Variants in SYNE2 observed in about 807,000 individuals in gnomAD.
SYNE2 encodes nesprin-2.
SYNE2 carries 431 observed loss-of-function variants against 856.3 expected under a neutral mutation model. The observed-to-expected ratio is 0.50, with a 90% CI of 0.47 to 0.55. SYNE2 has a LOEUF of 0.55. SYNE2 is among the 20% of genes least tolerant of loss of function. SYNE2 has a pLI of 0.00. For synonymous variants in SYNE2, 2,923 were observed against 2,872.3 expected, an observed-to-expected ratio of 1.02 and a Z score of -0.56; for missense variants, 8,129 against 8,023.2, an observed-to-expected ratio of 1.01 and a Z score of -0.50.
At chr14:63,956,330 A>G (rs1204286200) in intron 8 of SYNE2, 1 of 447,510 alleles carries the variant, frequency 2.2e-6, no homozygotes, top group East Asian at 6.9e-5. Flanking sequence ...TAATACAGTA[A>G]TTGGGAAGTG....
chr14:64,060,079 G>A (rs958342994), intron 49 of SYNE2, among the ~76,000 whole-genome samples: 2 of 150,364 alleles, frequency 1.3e-5, no homozygotes, highest in Non-Finnish European at 3.0e-5. Flanking sequence ...GCCCAGGGTG[G>A]GTCCAGAGAT....
chr14:64,052,330 A>G lies in SYNE2; in HGVS notation c.8417A>G (p.Asn2806Ser), dbSNP rs765407182. 3.8e-5 allele frequency: 61 copies of G among 1,614,104 alleles called. No individual in the cohort carries two copies. The highest frequency in any genetic ancestry group is 4.7e-5 in the Non-Finnish European group (56 of 1,180,034). ...LTTYEGSDLN[N>S]TLEDLRNQYQ... ...ACCTATGAGGGCAGTGATTTAAATA[A>G]TACCCTAGAGGACTTACGGAATCAA... The change falls in exon 48 of 116, where the codon AAT becomes AGT. Residue 2806 changes from asparagine to serine, a missense_variant. Around this residue, in one of 3 missense-constraint regions of SYNE2, gnomAD observed 5,410 missense variants for 5,284.8 expected, o/e 1.02. Transcript: ENST00000555002.
At chr14:63,818,382 G>A (rs954820278) in intron 1 of SYNE2, among the ~76,000 whole-genome samples, 1 of 150,322 alleles carries the variant, frequency 6.7e-6, no homozygotes, top group Non-Finnish European at 1.5e-5. Context: ...GTTGGGCATG[G>A]TGACACAAGT....
intron 50 of SYNE2, among the ~76,000 whole-genome samples, chr14:64,063,685 C>A (rs554685998): frequency 1.1e-4 from 17 of 152,310 alleles, no homozygotes; most frequent in African/African-American, 3.4e-4. Flanking sequence ...CTTTCTAAAT[C>A]ATCTGTAGTT....
intron 96 of SYNE2, among the ~76,000 whole-genome samples, chr14:64,179,214 G>A (rs959914459): frequency 1.3e-5 from 2 of 152,082 alleles, no homozygotes; most frequent in African/African-American, 2.4e-5. Context: ...TTGGCTCACT[G>A]TAACCTCCAC....
intron 1 of SYNE2, among the ~76,000 whole-genome samples, chr14:63,780,247 A>G (rs999000595): frequency 6.6e-6 from 1 of 152,182 alleles, no homozygotes; most frequent in Non-Finnish European, 1.5e-5. Context: ...TCAGTAATAA[A>G]AAGGGGCCAG....
chr14:64,098,884 A>G, intron 63 of SYNE2, 63 bp downstream of exon 63: 1 of 1,497,480 alleles, frequency 6.7e-7, no homozygotes, highest in Non-Finnish European at 9.2e-7. Context: ...AAGTCAATGA[A>G]AAGATCTTAA....
intron 1 of SYNE2, among the ~76,000 whole-genome samples, chr14:63,888,217 T>C (rs1031245621): frequency 6.6e-6 from 1 of 152,224 alleles, no homozygotes. Context: ...TCGGGCCTGC[T>C]AAGCCACCAG....
intron 2 of SYNE2, among the ~76,000 whole-genome samples, chr14:63,933,939 T>C (rs1322902209): frequency 4.6e-5 from 7 of 152,206 alleles, no homozygotes; most frequent in Non-Finnish European, 8.8e-5. Context: ...CTGGTTCCCA[T>C]TGAATACTGC....
chr14:63,894,204 G>A (rs941799107), intron 1 of SYNE2, among the ~76,000 whole-genome samples: 5 of 150,322 alleles, frequency 3.3e-5, no homozygotes, highest in Admixed American at 6.6e-5. Flanking sequence ...GCATTTTATG[G>A]ATTTTTTTTT....
intron 1 of SYNE2, among the ~76,000 whole-genome samples, chr14:63,888,251 G>T (rs112855393): frequency 5.6e-4 from 86 of 152,270 alleles, no homozygotes; most frequent in South Asian, 2.3e-3. Flanking sequence ...CTACGACATG[G>T]TATTGCCCCC....
intron 1 of SYNE2, among the ~76,000 whole-genome samples, chr14:63,875,668 T>A (rs1336700346): frequency 5.9e-5 from 9 of 151,974 alleles, no homozygotes; most frequent in Non-Finnish European, 1.2e-4. Flanking sequence ...ATGAAGTGAG[T>A]AACACTTGTC....
chr14:64,169,348 A>T (rs908933491), intron 93 of SYNE2, among the ~76,000 whole-genome samples: 4 of 152,240 alleles, frequency 2.6e-5, no homozygotes, highest in Non-Finnish European at 4.4e-5. Context: ...AAAAATGATT[A>T]TTCCTAATGT....
intron 1 of SYNE2, among the ~76,000 whole-genome samples, chr14:63,829,747 A>G (rs543765576): frequency 6.6e-6 from 1 of 152,070 alleles, no homozygotes; most frequent in South Asian, 2.1e-4. Context: ...CTGCCTCCCA[A>G]ATAGCTGGGA....
chr14:63,993,797 GC>G, intron 21 of SYNE2, 37 bp from the exon 22 acceptor site: 1 of 1,576,026 alleles, frequency 6.3e-7, no homozygotes, highest in Non-Finnish European at 8.6e-7. Flanking sequence ...GTAGAATGAG[GC>G]TTTTATGATT....
At chr14:63,887,212 C>T (rs757345834) in intron 1 of SYNE2, among the ~76,000 whole-genome samples, 35 of 151,210 alleles carry the variant, frequency 2.3e-4, no homozygotes, top group South Asian at 4.2e-4. Flanking sequence ...ACTGGGGAGG[C>T]GGAGGTTGCA....
intron 108 of SYNE2, among the ~76,000 whole-genome samples, chr14:64,216,900 T>A (rs1402267489): frequency 6.6e-6 from 1 of 152,182 alleles, no homozygotes; most frequent in Non-Finnish European, 1.5e-5. Context: ...AATTTTTGTA[T>A]TTTTAGTAGA....
intron 97 of SYNE2, among the ~76,000 whole-genome samples, chr14:64,187,802 C>T (rs1389266921): frequency 6.6e-6 from 1 of 152,150 alleles, no homozygotes; most frequent in Non-Finnish European, 1.5e-5. Context: ...CCTGGGAATA[C>T]TTTTGTACAT....
At chr14:63,773,735 C>G (rs570473557) in intron 1 of SYNE2, among the ~76,000 whole-genome samples, 1 of 152,160 alleles carries the variant, frequency 6.6e-6, no homozygotes, top group South Asian at 2.1e-4. Context: ...CAAAAAGAAG[C>G]TATGTTTAAT....
Sources: gnomAD v4.1 joint callset for allele counts (sites outside exome capture counted in the v4.1 genomes callset) on GRCh38, gnomAD v4.1.1 for gene constraint, gnomAD v4.1.1 regional missense constraint, MANE v1.5 for transcripts, NCBI Gene and HGNC (gene_info 2026-07-23, HGNC 2026-07-21) for gene names.